Variants in PRKG1 observed in about 807,000 individuals in gnomAD.
PRKG1 encodes protein kinase cGMP-dependent 1, also known as cGMP-dependent protein kinase 1.
PRKG1 carries 35 observed loss-of-function variants against 88.1 expected under a neutral mutation model. The observed-to-expected ratio is 0.40, with a 90% confidence interval of 0.30 to 0.53. The LOEUF is 0.53. Among genes scored for constraint, PRKG1 ranks in the 20% least tolerant of loss-of-function variants. The probability of loss-of-function intolerance (pLI) is 0.59; values close to 1 mark genes in which losing one functional copy is unlikely to be tolerated. For synonymous variants in PRKG1, 303 were observed against 292.5 expected (o/e 1.04, Z -0.37); for missense variants, 540 against 839.8 (o/e 0.64, Z 4.41).
At chr10:51,783,164 A>G (rs1179228536) in intron 3 of PRKG1, among the ~76,000 whole-genome samples, 1 of 152,182 alleles carries the variant, frequency 6.6e-6, no homozygotes, top group Non-Finnish European at 1.5e-5. Context: ...AATATGTTGG[A>G]AAAAGAGTAA....
At chr10:51,133,994 A>C (rs1845633166) in intron 1 of PRKG1, among the ~76,000 whole-genome samples, 1 of 152,180 alleles carries the variant, frequency 6.6e-6, no homozygotes, top group Non-Finnish European at 1.5e-5. Flanking sequence ...CCTCATTTAG[A>C]ATCTTATTTA....
chr10:51,792,740 C>T (rs1448286068), intron 3 of PRKG1, among the ~76,000 whole-genome samples: 1 of 152,050 alleles, frequency 6.6e-6, no homozygotes, highest in African/African-American at 2.4e-5. Context: ...CCCTGTTGCC[C>T]TCAATGCCTG....
intron 2 of PRKG1, among the ~76,000 whole-genome samples, chr10:51,464,398 A>G (rs907900599): frequency 1.3e-5 from 2 of 152,194 alleles, no homozygotes; most frequent in African/African-American, 4.8e-5. Flanking sequence ...TAGCCTGGAA[A>G]AGATGTTTTA....
At chr10:51,729,001 CA>C (rs1842206849) in intron 3 of PRKG1, among the ~76,000 whole-genome samples, 1 of 152,104 alleles carries the variant, frequency 6.6e-6, no homozygotes, top group Non-Finnish European at 1.5e-5. Context: ...TACTATTTAG[CA>C]CAGAAATAAA....
upstream of PRKG1, among the ~76,000 whole-genome samples, chr10:51,073,685 G>A (rs904214960): frequency 9.2e-5 from 14 of 152,148 alleles, no homozygotes; most frequent in African/African-American, 3.4e-4. Context: ...TGGAGCAGGC[G>A]AAGAGTAGCA....
intron 5 of PRKG1, among the ~76,000 whole-genome samples, chr10:51,999,219 C>T (rs1357355755): frequency 6.6e-6 from 1 of 152,188 alleles, no homozygotes; most frequent in Non-Finnish European, 1.5e-5. Context: ...AGCTTACTAC[C>T]CTTTACTCCC....
intron 1 of PRKG1, among the ~76,000 whole-genome samples, chr10:51,152,558 G>A (rs1338225896): frequency 6.6e-6 from 1 of 151,864 alleles, no homozygotes; most frequent in Non-Finnish European, 1.5e-5. Context: ...CTGTTAGGTT[G>A]GTATTTTTTT....
chr10:51,447,548 G>A (rs1839310474), intron 2 of PRKG1, among the ~76,000 whole-genome samples: 1 of 151,942 alleles, frequency 6.6e-6, no homozygotes, highest in African/African-American at 2.4e-5. Flanking sequence ...ACCTCCCACT[G>A]CTACATTGCA....
chr10:51,000,735 G>A (rs1202821122), intron 1 of PRKG1, among the ~76,000 whole-genome samples: 2 of 152,104 alleles, frequency 1.3e-5, no homozygotes, highest in Non-Finnish European at 2.9e-5. Flanking sequence ...AGTATTAAGA[G>A]TTCATAGATT....
intron 1 of PRKG1, among the ~76,000 whole-genome samples, chr10:51,097,130 A>G (rs1201591508): frequency 6.6e-6 from 1 of 152,168 alleles, no homozygotes. Context: ...CCATGGGTGC[A>G]TATAATGCTG....
intron 12 of PRKG1, among the ~76,000 whole-genome samples, chr10:52,277,873 A>G (rs771000386): frequency 1.7e-4 from 26 of 152,182 alleles, no homozygotes; most frequent in Middle Eastern, 3.2e-3. Context: ...TCCATTACCA[A>G]TTGACTATTA....
intron 3 of PRKG1, among the ~76,000 whole-genome samples, chr10:51,749,665 G>C (rs1837669941): frequency 6.6e-6 from 1 of 152,136 alleles, no homozygotes; most frequent in Non-Finnish European, 1.5e-5. Context: ...GCCAGCTCCA[G>C]CTGCTATATT....
At chr10:51,066,429 G>A (rs1843750139) in intron 1 of PRKG1, among the ~76,000 whole-genome samples, 1 of 152,134 alleles carries the variant, frequency 6.6e-6, no homozygotes. Context: ...AAGGGGAGAT[G>A]TGAGTAGTTG....
chr10:51,851,304 A>G (rs1321366158), intron 4 of PRKG1, among the ~76,000 whole-genome samples: 3 of 152,194 alleles, frequency 2.0e-5, no homozygotes, highest in Admixed American at 6.5e-5. Flanking sequence ...GACATTTAGC[A>G]ATGTCTTGAG....
At chr10:51,674,725 C>T (rs1040941144) in intron 3 of PRKG1, among the ~76,000 whole-genome samples, 4 of 152,196 alleles carry the variant, frequency 2.6e-5, no homozygotes, top group East Asian at 1.9e-4. Context: ...GGAATTAAAT[C>T]GAGGTGACAA....
intron 5 of PRKG1, among the ~76,000 whole-genome samples, chr10:52,051,944 G>A (rs78066648): frequency 1.1e-3 from 166 of 150,100 alleles, no homozygotes; most frequent in African/African-American, 3.7e-3. Flanking sequence ...CTTCATTCAC[G>A]TGGAAGGAAG....
chr10:52,123,688 C>A (rs1051028933), intron 7 of PRKG1, among the ~76,000 whole-genome samples: 1 of 151,982 alleles, frequency 6.6e-6, no homozygotes, highest in Non-Finnish European at 1.5e-5. Context: ...TGTGAAAAGG[C>A]CATCAGTATA....
intron 2 of PRKG1, among the ~76,000 whole-genome samples, chr10:51,259,660 G>C (rs558819669): frequency 6.6e-6 from 1 of 152,224 alleles, no homozygotes; most frequent in Non-Finnish European, 1.5e-5. Context: ...TTTTTCAGTA[G>C]TGACAGGGTT....
intron 4 of PRKG1, among the ~76,000 whole-genome samples, chr10:51,839,895 T>C (rs1840226866): frequency 6.6e-6 from 1 of 152,206 alleles, no homozygotes; most frequent in African/African-American, 2.4e-5. Context: ...TTTTCTCCTA[T>C]TTTTCCTAGA....
Sources: gnomAD v4.1 joint callset for allele counts (sites outside exome capture counted in the v4.1 genomes callset) on GRCh38, gnomAD v4.1.1 for gene constraint, MANE v1.5 for transcripts, NCBI Gene and HGNC (gene_info 2026-07-23, HGNC 2026-07-21) for gene names.